TMEM175: variants seen among roughly 807,000 people sequenced by gnomAD.
TMEM175 encodes the protein transmembrane protein 175, also known as endosomal/lysosomal proton channel TMEM175.
In TMEM175, 36 loss-of-function variants were observed where a neutral mutation model predicts 36.5. That is an observed-to-expected ratio of 0.99 (90% confidence interval 0.76 to 1.30). TMEM175 has a LOEUF of 1.30. TMEM175 is among the 50% of genes most tolerant of loss of function. The pLI, the probability that TMEM175 is intolerant of heterozygous loss-of-function variation, is 0.00. For synonymous variants in TMEM175, 339 were observed against 313.4 expected (o/e 1.08, Z -0.86); for missense variants, 705 against 692.8 (o/e 1.02, Z -0.20).
At chr4:937,849 G>T (rs143074492) in intron 1 of TMEM175, among the ~76,000 whole-genome samples, 2 of 152,290 alleles carry the variant, frequency 1.3e-5, no homozygotes, top group South Asian at 2.1e-4. Flanking sequence ...CACCGTGACC[G>T]AGTGGGATAT....
At position 932,588 on chromosome 4, in the gene TMEM175, C is replaced by T. The variant is rs1560464126; in HGVS notation, c.-32+48C>T. The T allele has an allele frequency of 2.5e-6, 1 of 400,912 alleles. No homozygotes were observed. The highest frequency in any genetic ancestry group is 4.4e-6 in the Non-Finnish European group (1 of 227,386). The allele number at this position is 400,912 out of a possible 1,614,324, so 24.8% of individuals were successfully genotyped here. A position where few individuals can be genotyped will look rare whatever the true frequency, so the allele number is the denominator to read the frequency against. ...CTCCCGGTACCGTTCCCCACATGGT[C>T]TGTTTTGTGGGAGGCTCCTTCTCAG... On this transcript the variant is annotated intron_variant, in intron 1 of 10. Transcript: ENST00000264771. The surrounding 1 kb of genome is among the most constrained non-coding windows in gnomAD (Gnocchi z 4.0).
In TMEM175 at chr4:953,305, C is replaced by A; in HGVS notation, c.578C>A (p.Pro193Gln). 6.2e-7 allele frequency: 1 copy of A among 1,613,950 alleles called. No individual in the cohort carries two copies. Residue 193 changes from proline (P) to glutamine (Q), a missense_variant, in exon 8 of 11, where the codon CCG becomes CAG. By Grantham distance (76) the Pro-to-Gln change is moderately conservative. Coordinates refer to ENST00000264771, the MANE Select transcript of TMEM175 (RefSeq NM_032326.4). The stretch of plus-strand genomic sequence containing the variant: ...GTCCTGGGCATCGTCCTCCAAGGCC[C>A]GGCCCTGTGCTTTGCAGCGGCCATC... The part of the protein sequence containing the change: ...RHVLGIVLQG[P>Q]ALCFAAAIFS...
Position 956,378 on chromosome 4 carries a change from ATCTGCCTCT to A in TMEM175, c.842+491_842+499del, listed in dbSNP as rs1560500239. The A allele has an allele frequency of 2.3e-6, 3 of 1,288,066 alleles. No individual in the cohort carries two copies. The East Asian group carries it at 1.7e-4, about 72-fold the overall frequency. 79.8% of individuals were successfully genotyped at this position (1,288,066 alleles called of 1,614,324 possible). A position where few individuals can be genotyped will look rare whatever the true frequency, so the allele number is the denominator to read the frequency against. On this transcript the variant is annotated intron_variant, in intron 10 of 10. Coordinates refer to ENST00000264771, the MANE Select transcript of TMEM175 (RefSeq NM_032326.4). The stretch of plus-strand genomic sequence containing the variant: ...CCAGCGTCTGCTCCTCCGCGGCCTC[ATCTGCCTCT>A]TCGTCTGTTAGAGCGCGCGTCTCGT...
intron 1 of TMEM175, among the ~76,000 whole-genome samples, chr4:933,280 G>A (rs960862750): frequency 4.6e-5 from 7 of 152,060 alleles, no homozygotes; most frequent in African/African-American, 1.7e-4. Context: ...GCCGAGGCAG[G>A]CGGATCACCT....
At chr4:947,111 CG>C (rs1226034176) in intron 1 of TMEM175, among the ~76,000 whole-genome samples, 3 of 146,920 alleles carry the variant, frequency 2.0e-5, no homozygotes, top group Non-Finnish European at 3.0e-5. Flanking sequence ...CATGCGTGCA[CG>C]GGCGCCGAGA....
intron 10 of TMEM175, chr4:956,273 C>A (rs1241905594): frequency 7.8e-7 from 1 of 1,276,974 alleles, no homozygotes; most frequent in Non-Finnish European, 1.0e-6. Context: ...CTAGTCCCTC[C>A]CATTCCCTCC....
At chr4:952,589 GTGTT>G (rs1308145964) in intron 7 of TMEM175, 139 bp downstream of exon 7, 2 of 698,136 alleles carry the variant, frequency 2.9e-6, no homozygotes, top group Non-Finnish European at 4.8e-6. Flanking sequence ...GTGTGTGTGT[GTGTT>G]CACCATCAGC....
Position 948,100 on chromosome 4 carries a change from C to T in TMEM175, c.154-16C>T, listed in dbSNP as rs769645194. 3.1e-6 allele frequency: 5 copies of T among 1,614,038 alleles called. No individual in the cohort carries two copies. In the African/African-American group the frequency reaches 6.7e-5, roughly 22 times the overall value. The stretch of plus-strand genomic sequence containing the variant: ...CTCTTGCTCTCCTGCTTCCTTCTGT[C>T]TCTTTGCCCCCTCAGATCCTGCCTG... On this transcript the variant is annotated splice_polypyrimidine_tract_variant and intron_variant, in intron 2 of 10. Transcript: ENST00000264771.
chr4:958,277 G>A lies in TMEM175; in HGVS notation c.1296G>A (p.Leu432=). The stretch of plus-strand genomic sequence containing the variant: ...CGCTGTACCCCTGTGCCAGCCTGCT[G>A]GCCTTCGCCTCCACCTGCCTGCTGA... ...KLALYPCASL[L]AFASTCLLSR... The change falls in exon 11 of 11, where the codon CTG becomes CTA. Residue 432 remains leucine (L), a synonymous_variant. Coordinates refer to ENST00000264771, the MANE Select transcript of TMEM175 (RefSeq NM_032326.4). 6.2e-7 allele frequency: 1 copy of A among 1,606,180 alleles called. No individual in the cohort carries two copies. Among genetic ancestry groups the A allele is most frequent in the East Asian group, 2.2e-5 (1 of 44,866 alleles).
chr4:944,394 G>T (rs1444186242), intron 1 of TMEM175, among the ~76,000 whole-genome samples: 2 of 152,202 alleles, frequency 1.3e-5, no homozygotes, highest in Non-Finnish European at 2.9e-5. Context: ...CAAAGATGCT[G>T]TTTGGGGATA....
At chr4:957,563 T>G (rs1729854653) in intron 10 of TMEM175, among the ~76,000 whole-genome samples, 1 of 152,258 alleles carries the variant, frequency 6.6e-6, no homozygotes, top group East Asian at 1.9e-4. Context: ...AGCAGCACTC[T>G]GGGCCAGCAG....
intron 3 of TMEM175, 193 bp downstream of exon 3, chr4:948,347 C>T (rs773537852): frequency 1.4e-5 from 21 of 1,535,422 alleles, no homozygotes; most frequent in Admixed American, 9.8e-5. Flanking sequence ...CTCACCCCGG[C>T]GGAGGTCCTG....
intron 1 of TMEM175, among the ~76,000 whole-genome samples, chr4:936,917 A>G (rs2152996298): frequency 6.6e-6 from 1 of 152,182 alleles, no homozygotes; most frequent in Non-Finnish European, 1.5e-5. Flanking sequence ...AGATTGAGCC[A>G]CGGCACTCCA....
At chr4:956,009 T>A in intron 10 of TMEM175, 119 bp downstream of exon 10, 1 of 1,296,894 alleles carries the variant, frequency 7.7e-7, no homozygotes, top group East Asian at 2.4e-5. Flanking sequence ...CTCCTCTGGA[T>A]GCCTAGAGTT....
intron 1 of TMEM175, among the ~76,000 whole-genome samples, chr4:937,659 T>C (rs1193626884): frequency 6.6e-6 from 1 of 152,182 alleles, no homozygotes; most frequent in African/African-American, 2.4e-5. Flanking sequence ...ACTCGGAAAG[T>C]TGAAGGAAGG....
In TMEM175 at chr4:932,913, G is replaced by GC. The variant is rs1726204638; in HGVS notation, c.-32+374dup. ...GGAGAGGGCCAGGGTCTGGCCTGGG[G>GC]CAGTGACCAGTAGTGGGAGCCGTGG... On this transcript the variant is annotated intron_variant, in intron 1 of 10. Transcript: ENST00000264771. The surrounding 1 kb of genome is among the most constrained non-coding windows in gnomAD (Gnocchi z 4.0). Among the ~76,000 whole-genome samples, 1 of 152,216 alleles carries GC rather than the reference G, an allele frequency of 6.6e-6. No homozygotes were observed. Among genetic ancestry groups the GC allele is most frequent in the Non-Finnish European group, 1.5e-5 (1 of 68,044 alleles).
rs778399444 is a variant in TMEM175, at chr4:957,838, C to T, written c.857C>T (p.Pro286Leu). Residue 286 changes from proline to leucine, a missense_variant, in exon 11 of 11, where the codon CCG (proline) becomes CTG (leucine). Physicochemically the swap from Pro to Leu is moderately conservative, Grantham distance 98. Transcript: ENST00000264771. ...ACTGTTCTCAGCGAAGACAACGTCC[C>T]GGACCCCAAGGATGTGAAGGAGAGG... ...LILDICEDNV[P>L]DPKDVKERFS... The T allele has an allele frequency of 6.2e-6, 10 of 1,609,106 alleles. No individual in the cohort carries two copies. Among genetic ancestry groups the T allele is most frequent in the African/African-American group, 4.0e-5 (3 of 74,866 alleles).
rs1404383760 is a variant in TMEM175, at chr4:932,721, A to G, written c.-32+181A>G. On this transcript the variant is annotated intron_variant, in intron 1 of 10. Coordinates refer to ENST00000264771, the MANE Select transcript of TMEM175 (RefSeq NM_032326.4). The surrounding 1 kb of genome is among the most constrained non-coding windows in gnomAD (Gnocchi z 4.0). ...TCGCGAATTTTTCTCTCAGTTGGCT[A>G]AGGAGCAAGGAGTTAGCGTGCGTTA... is the stretch of plus-strand genomic sequence containing the variant. 2.6e-5 allele frequency among the ~76,000 whole-genome samples: 4 copies of G among 152,232 alleles called. No homozygotes were observed. The highest frequency in any genetic ancestry group is 5.9e-5 in the Non-Finnish European group (4 of 68,034).
At chr4:944,051 G>A (rs539311050) in intron 1 of TMEM175, among the ~76,000 whole-genome samples, 2 of 152,290 alleles carry the variant, frequency 1.3e-5, no homozygotes, top group South Asian at 2.1e-4. Context: ...CCAGCATTTC[G>A]GGAGGCCAAG....
Sources: gnomAD v4.1 joint callset for allele counts (sites outside exome capture counted in the v4.1 genomes callset) on GRCh38, gnomAD v4.1.1 for gene constraint, Gnocchi (gnomAD v3.1) non-coding constraint, MANE v1.5 for transcripts, NCBI Gene and HGNC (gene_info 2026-07-23, HGNC 2026-07-21) for gene names.